Variants in ZNF155 observed in about 807,000 individuals in gnomAD.
ZNF155 encodes the protein zinc finger protein 155, also known as KRAB A domain.
A neutral mutation model predicts 11.9 loss-of-function variants in ZNF155; 15 were observed. That is an observed-to-expected ratio of 1.26 (90% CI 0.84 to 1.94). The LOEUF is 1.94. Among genes scored for constraint, ZNF155 ranks in the 30% most tolerant of loss-of-function variants. The pLI is 0.00. For missense variants in ZNF155, 602 were observed against 639.1 expected (o/e 0.94, Z 0.63); for synonymous variants, 212 against 219.9 (o/e 0.96, Z 0.32).
chr19:43,993,431 T>TTGAGATG (rs1430639784), intron 4 of ZNF155, among the ~76,000 whole-genome samples: 1 of 152,192 alleles, frequency 6.6e-6, no homozygotes, highest in African/African-American at 2.4e-5. Flanking sequence ...TAATTTATTT[T>TTGAGATG]TGAGATGCAG....
chr19:43,986,919 C>A (rs892653118), intron 1 of ZNF155, among the ~76,000 whole-genome samples: 1 of 152,172 alleles, frequency 6.6e-6, no homozygotes, highest in Admixed American at 6.5e-5. Context: ...TGGTGGCCAT[C>A]AGCCAAATAC....
chr19:43,989,541 C>G (rs1475262833), intron 2 of ZNF155, among the ~76,000 whole-genome samples: 3 of 151,952 alleles, frequency 2.0e-5, no homozygotes, highest in Non-Finnish European at 2.9e-5. Flanking sequence ...AAAAGAGAAA[C>G]AAGGAGAGAG....
In ZNF155 at chr19:43,986,607, G is replaced by A. The variant is rs1200721618; in HGVS notation, c.-85-1852G>A. On this transcript the variant is annotated intron_variant, in intron 1 of 4. Transcript: ENST00000270014. ...TGGGACTACAGGTGCCGGCCACCATGCCCGGCTATTTTTTTGTATATTTAG... is the reference window on the plus strand; with the variant it reads ...TGGGACTACAGGTGCCGGCCACCATACCCGGCTATTTTTTTGTATATTTAG... Among the ~76,000 whole-genome samples, 3 of 151,974 alleles carry A rather than the reference G, an allele frequency of 2.0e-5. No homozygotes were observed. In the South Asian group the frequency reaches 6.2e-4, roughly 32 times the overall value.
intron 1 of ZNF155, 51 bp from the exon 2 acceptor site, chr19:43,988,408 C>T: frequency 3.5e-6 from 3 of 856,408 alleles, no homozygotes; most frequent in Admixed American, 2.9e-5. Flanking sequence ...AATAATGCTG[C>T]TGTGATCATT....
chr19:43,990,145 T>C, intron 2 of ZNF155: 1 of 1,308,122 alleles, frequency 7.6e-7, no homozygotes, highest in Non-Finnish European at 1.0e-6. Flanking sequence ...AGCATGCAGT[T>C]ATATGATCAC....
chr19:43,986,199 T>C (rs923178040), intron 1 of ZNF155, among the ~76,000 whole-genome samples: 3 of 152,216 alleles, frequency 2.0e-5, no homozygotes, highest in African/African-American at 4.8e-5. Flanking sequence ...AAATTACCCA[T>C]GAATCCAAGA....
chr19:43,996,718 AT>A lies in ZNF155; in HGVS notation c.863del (p.Phe288SerfsTer70). On this transcript the variant is annotated frameshift_variant, in exon 5 of 5. Transcript: ENST00000270014. LOFTEE classifies it low-confidence loss of function (END_TRUNC). ...AGAGAATCCATACTGGGGAGAAACC[AT>A]TCAAATGTGATATATGTGGTAAGAC... ...HKRIHTGEKP[F>X]KCDICGKTFY... The A allele has an allele frequency of 2.5e-6, 4 of 1,614,180 alleles. No individual in the cohort carries two copies. The highest frequency in any genetic ancestry group is 2.5e-6 in the Non-Finnish European group (3 of 1,180,010).
Position 43,984,225 on chromosome 19 carries a change from T to C in ZNF155, c.-106T>C, listed in dbSNP as rs1245197364. 1 of 152,072 alleles carries C rather than the reference T, an allele frequency of 6.6e-6. No individual in the cohort carries two copies. Among genetic ancestry groups the C allele is most frequent in the Non-Finnish European group, 1.5e-5 (1 of 68,044 alleles). The allele number at this position is 152,072 out of a possible 1,614,324, so 9.4% of individuals were successfully genotyped here. A position where few individuals can be genotyped will look rare whatever the true frequency, so the allele number is the denominator to read the frequency against. On this transcript the variant is annotated 5_prime_UTR_variant, in exon 1 of 5. Coordinates refer to ENST00000270014, the MANE Select transcript of ZNF155 (RefSeq NM_198089.3). ...GGTCTCCGAGCAGGACACTGCTACT[T>C]AACAAGGTGGTTTGAGCCAAGTATG...
chr19:43,995,108 CTT>C (rs34395661), intron 4 of ZNF155, among the ~76,000 whole-genome samples: 14 of 144,910 alleles, frequency 9.7e-5, no homozygotes, highest in Admixed American at 1.4e-4. Flanking sequence ...GTTAGGTTAA[CTT>C]TTTTTTTTTT....
chr19:43,989,678 C>T (rs370809), intron 2 of ZNF155, among the ~76,000 whole-genome samples: 57,518 of 151,956 alleles, frequency 0.38, 11,878 homozygotes, highest in East Asian at 0.55. Context: ...TGTCACATGT[C>T]ACTATGACAT....
Position 43,997,439 on chromosome 19 carries a change from G to A in ZNF155, c.1582G>A (p.Asp528Asn), listed in dbSNP as rs1368475466. ...ACGCTACAAGAGGCGCTTGAATCTG[G>A]ATATACTTTTATCATTATTTCTAAA... The part of the protein sequence containing the change: ...GRRYKRRLNL[D>N]ILLSLFLNDT The change falls in exon 5 of 5, where the codon GAT becomes AAT. Residue 528 changes from aspartate to asparagine, a missense_variant. Transcript: ENST00000270014. 6.2e-7 allele frequency: 1 copy of A among 1,600,586 alleles called. No homozygotes were observed. The highest frequency in any genetic ancestry group is 8.5e-7 in the Non-Finnish European group (1 of 1,176,696).
chr19:43,987,265 T>C lies in ZNF155; in HGVS notation c.-85-1194T>C, dbSNP rs528296045. 5.3e-5 allele frequency among the ~76,000 whole-genome samples: 8 copies of C among 152,326 alleles called. No homozygotes were observed. The South Asian group carries it at 1.7e-3, about 32-fold the overall frequency. On this transcript the variant is annotated intron_variant, in intron 1 of 4. Coordinates refer to ENST00000270014, the MANE Select transcript of ZNF155 (RefSeq NM_198089.3). ...TAGTCCTCACAACTATCTTCTACCC[T>C]ACCCTTTACCCTGACCCCAGTTTAA...
intron 4 of ZNF155, 55 bp downstream of exon 4, chr19:43,991,989 T>A: frequency 6.6e-7 from 1 of 1,506,422 alleles, no homozygotes; most frequent in Non-Finnish European, 9.1e-7. Flanking sequence ...CTGTTGTGCT[T>A]CTGTCCATGC....
In ZNF155 at chr19:43,986,700, C is replaced by T. The variant is rs542922593; in HGVS notation, c.-85-1759C>T. Among the ~76,000 whole-genome samples the T allele has an allele frequency of 2.3e-3, 351 of 152,188 alleles. 6 individuals are homozygous for T. Among genetic ancestry groups the T allele is most frequent in the Middle Eastern group, 0.017 (5 of 294 alleles). ...TCCTGACCTTGTGATCCGCCCACCTCGGCCTCCCAAAGTGCTGAGATTACA... is the reference window on the plus strand; with the variant it reads ...TCCTGACCTTGTGATCCGCCCACCTTGGCCTCCCAAAGTGCTGAGATTACA... On this transcript the variant is annotated intron_variant, in intron 1 of 4. Coordinates refer to ENST00000270014, the MANE Select transcript of ZNF155 (RefSeq NM_198089.3).
In ZNF155 at chr19:43,997,466, G is replaced by A. The variant is rs1975948723; in HGVS notation, c.1609G>A (p.Asp537Asn). The A allele has an allele frequency of 6.3e-7, 1 of 1,595,848 alleles. No homozygotes were observed. The highest frequency in any genetic ancestry group is 1.8e-5 in the Admixed American group (1 of 54,472). Residue 537 changes from aspartate to asparagine, a missense_variant, in exon 5 of 5, where the codon GAC becomes AAC. By Grantham distance (23) the Asp-to-Asn change is conservative. Coordinates refer to ENST00000270014, the MANE Select transcript of ZNF155 (RefSeq NM_198089.3). Reference protein sequence around the residue: ...LDILLSLFLNDT With the variant: ...LDILLSLFLNNT ...TATACTTTTATCATTATTTCTAAATGACACATAATTGTTCATATTTATGGG... is the reference window on the plus strand; with the variant it reads ...TATACTTTTATCATTATTTCTAAATAACACATAATTGTTCATATTTATGGG...
chr19:43,984,514 T>C (rs1176411182), intron 1 of ZNF155, among the ~76,000 whole-genome samples: 1 of 151,974 alleles, frequency 6.6e-6, no homozygotes, highest in Non-Finnish European at 1.5e-5. Flanking sequence ...TTCCAGGTGT[T>C]TGACCTCGTT....
intron 2 of ZNF155, 30 bp from the exon 3 acceptor site, chr19:43,991,518 G>C: frequency 6.2e-7 from 1 of 1,613,954 alleles, no homozygotes; most frequent in Non-Finnish European, 8.5e-7. Flanking sequence ...TTGGTCATAA[G>C]ATTGAAGTTA....
intron 4 of ZNF155, among the ~76,000 whole-genome samples, chr19:43,993,267 A>G (rs148645035): frequency 1.3e-5 from 2 of 152,298 alleles, no homozygotes; most frequent in Non-Finnish European, 2.9e-5. Flanking sequence ...ATTAAAGGAT[A>G]TAGATTTTAC....
intron 1 of ZNF155, among the ~76,000 whole-genome samples, chr19:43,985,825 C>T (rs1381164140): frequency 6.6e-6 from 1 of 152,174 alleles, no homozygotes; most frequent in Non-Finnish European, 1.5e-5. Flanking sequence ...CAGGCGTGAG[C>T]CACCGCGCCC....
Sources: gnomAD v4.1 joint callset for allele counts (sites outside exome capture counted in the v4.1 genomes callset) on GRCh38, gnomAD v4.1.1 for gene constraint, MANE v1.5 for transcripts, NCBI Gene and HGNC (gene_info 2026-07-23, HGNC 2026-07-21) for gene names.